GPR39: variants seen among roughly 807,000 people sequenced by gnomAD.
The protein encoded by GPR39 is zinc sensing receptor.
GPR39 carries 23 observed loss-of-function variants against 18.4 expected under a neutral mutation model. That is an observed-to-expected ratio of 1.25 (90% CI 0.90 to 1.77). The LOEUF is 1.77. GPR39 is among the 40% of genes most tolerant of loss of function. GPR39 has a pLI of 0.00. For synonymous variants in GPR39, 280 were observed against 257.9 expected (o/e 1.09, Z -0.82); for missense variants, 647 against 602.4 (o/e 1.07, Z -0.78).
intron 1 of GPR39, among the ~76,000 whole-genome samples, chr2:132,643,067 A>G (rs1249310223): frequency 6.6e-6 from 1 of 152,168 alleles, no homozygotes; most frequent in African/African-American, 2.4e-5. Context: ...GAAGTGGGAG[A>G]AAAGTCCCGG....
intron 1 of GPR39, among the ~76,000 whole-genome samples, chr2:132,598,714 C>T (rs965459727): frequency 6.6e-6 from 1 of 152,026 alleles, no homozygotes; most frequent in Non-Finnish European, 1.5e-5. Flanking sequence ...TCTACAGAAG[C>T]TCTGAATTCC....
intron 1 of GPR39, among the ~76,000 whole-genome samples, chr2:132,491,764 G>C (rs1441743647): frequency 2.0e-5 from 3 of 151,886 alleles, no homozygotes; most frequent in African/African-American, 7.3e-5. Flanking sequence ...GGCAGAAACT[G>C]CCTAGATTCC....
intron 1 of GPR39, among the ~76,000 whole-genome samples, chr2:132,469,073 C>A (rs1008627795): frequency 6.6e-6 from 1 of 152,196 alleles, no homozygotes; most frequent in Non-Finnish European, 1.5e-5. Flanking sequence ...ATTCAAAGGG[C>A]TTGGGACATG....
rs533003697 is a variant in GPR39, at chr2:132,605,024, A to G, written c.857-40077A>G. 4.6e-5 allele frequency: 7 copies of G among 152,324 alleles called. No homozygotes were observed. The South Asian group carries it at 1.5e-3, about 32-fold the overall frequency. 9.4% of individuals were successfully genotyped at this position (152,324 alleles called of 1,614,324 possible). A position where few individuals can be genotyped will look rare whatever the true frequency, so the allele number is the denominator to read the frequency against. On this transcript the variant is annotated intron_variant, in intron 1 of 1. Transcript: ENST00000329321. ...ATTTACTCTTTATAAGATACATGTG[A>G]TATAGGTACTGTTTGCCTTATTTTA...
At chr2:132,615,055 T>C (rs1416227259) in intron 1 of GPR39, among the ~76,000 whole-genome samples, 4 of 152,118 alleles carry the variant, frequency 2.6e-5, no homozygotes, top group Non-Finnish European at 5.9e-5. Flanking sequence ...GTTTGCTGCC[T>C]CCCCCATGCC....
chr2:132,563,348 C>T lies in GPR39; in HGVS notation c.857-81753C>T, dbSNP rs115979650. ...ATCCTGGCTGGGTGGGATGGCTTTT[C>T]CCTGAAATCCCAGCACTTTGGGAGG... On this transcript the variant is annotated intron_variant, in intron 1 of 1. Transcript: ENST00000329321. Among the ~76,000 whole-genome samples the T allele has an allele frequency of 1.9e-3, 295 of 152,248 alleles. 1 individual carries two copies. The highest frequency in any genetic ancestry group is 6.9e-3 in the African/African-American group (288 of 41,542).
chr2:132,560,958 C>G (rs1573667851), intron 1 of GPR39, among the ~76,000 whole-genome samples: 1 of 121,506 alleles, frequency 8.2e-6, no homozygotes, highest in Admixed American at 8.0e-5. Flanking sequence ...GTTGCCCAGG[C>G]TGGAGTGTGT....
At chr2:132,516,567 G>T (rs1024738191) in intron 1 of GPR39, among the ~76,000 whole-genome samples, 1 of 152,130 alleles carries the variant, frequency 6.6e-6, no homozygotes, top group Non-Finnish European at 1.5e-5. Context: ...CTCACCTGAG[G>T]CCTGTTAGTT....
At chr2:132,472,387 C>T (rs1180986724) in intron 1 of GPR39, among the ~76,000 whole-genome samples, 2 of 152,144 alleles carry the variant, frequency 1.3e-5, no homozygotes, top group Non-Finnish European at 2.9e-5. Flanking sequence ...CTTGCCACTC[C>T]CAGAAGTTGA....
At chr2:132,550,912 A>C (rs1680030909) in intron 1 of GPR39, among the ~76,000 whole-genome samples, 1 of 152,174 alleles carries the variant, frequency 6.6e-6, no homozygotes, top group African/African-American at 2.4e-5. Flanking sequence ...AATTTTGGAA[A>C]GGGGGCTTTG....
intron 1 of GPR39, among the ~76,000 whole-genome samples, chr2:132,553,375 G>GTATATA (rs1169344305): frequency 2.0e-5 from 3 of 148,344 alleles, no homozygotes; most frequent in South Asian, 4.3e-4. Flanking sequence ...ATGTATATAT[G>GTATATA]TGTGTATATA....
chr2:132,440,647 A>G (rs1020818983), intron 1 of GPR39, among the ~76,000 whole-genome samples: 1 of 152,202 alleles, frequency 6.6e-6, no homozygotes, highest in African/African-American at 2.4e-5. Context: ...TTTAACAACC[A>G]CTGACATCAG....
At chr2:132,435,823 G>A (rs578178547) in intron 1 of GPR39, among the ~76,000 whole-genome samples, 50 of 152,166 alleles carry the variant, frequency 3.3e-4, no homozygotes, top group Non-Finnish European at 5.9e-4. Flanking sequence ...GACATGAAGG[G>A]GATATGGGTT....
intron 1 of GPR39, among the ~76,000 whole-genome samples, chr2:132,469,272 T>C (rs992897577): frequency 2.2e-4 from 33 of 152,222 alleles, no homozygotes; most frequent in African/African-American, 7.5e-4. Flanking sequence ...CAGATCCTAT[T>C]CAAGCTAAAA....
intron 1 of GPR39, among the ~76,000 whole-genome samples, chr2:132,589,164 G>A (rs1680782583): frequency 1.3e-5 from 2 of 152,158 alleles, no homozygotes; most frequent in Non-Finnish European, 2.9e-5. Context: ...AAAGAATCGT[G>A]GGACCCATGT....
chr2:132,498,270 T>G (rs765015851), intron 1 of GPR39, among the ~76,000 whole-genome samples: 1 of 152,104 alleles, frequency 6.6e-6, no homozygotes, highest in Non-Finnish European at 1.5e-5. Flanking sequence ...CCCCAAAGCT[T>G]ATCATTCTTA....
At chr2:132,557,860 G>A (rs1680183738) in intron 1 of GPR39, among the ~76,000 whole-genome samples, 1 of 152,272 alleles carries the variant, frequency 6.6e-6, no homozygotes, top group African/African-American at 2.4e-5. Flanking sequence ...CCCCCATGCC[G>A]CCCGGGGGGG....
intron 1 of GPR39, among the ~76,000 whole-genome samples, chr2:132,433,383 G>A (rs1680257415): frequency 6.6e-6 from 1 of 152,108 alleles, no homozygotes; most frequent in East Asian, 1.9e-4. Flanking sequence ...TTGCAACTCT[G>A]TGTGACGCTA....
rs187432725 is a variant in GPR39 at position 132,626,055 on chromosome 2, G to A, written c.857-19046G>A. Among the ~76,000 whole-genome samples the A allele has an allele frequency of 1.1e-3, 165 of 150,592 alleles. 3 individuals are homozygous for A. Among genetic ancestry groups the A allele is most frequent in the African/African-American group, 3.6e-3 (149 of 40,918 alleles). ...GCGGAGGTTGCAGTGAGCCGAGACC[G>A]CACCACTGCACTCCAGCCTGGGCGA... On this transcript the variant is annotated intron_variant, in intron 1 of 1. Coordinates refer to ENST00000329321, the MANE Select transcript of GPR39 (RefSeq NM_001508.3).
Sources: gnomAD v4.1 joint callset for allele counts (sites outside exome capture counted in the v4.1 genomes callset) on GRCh38, gnomAD v4.1.1 for gene constraint, MANE v1.5 for transcripts, NCBI Gene and HGNC (gene_info 2026-07-23, HGNC 2026-07-21) for gene names.